ZDHHC14: variants seen among roughly 807,000 people sequenced by gnomAD.
ZDHHC14 encodes zDHHC palmitoyltransferase 14.
Under a neutral mutation model 47.7 loss-of-function variants are expected in ZDHHC14, and 16 were observed. That is an observed-to-expected ratio of 0.34 (90% CI 0.23 to 0.51). ZDHHC14 has a LOEUF of 0.51. Ranked by LOEUF, ZDHHC14 falls within the 20% of genes least tolerant of loss-of-function variation. The probability of loss-of-function intolerance (pLI) is 0.97; values close to 1 mark genes in which losing one functional copy is unlikely to be tolerated. For synonymous variants in ZDHHC14, 293 were observed against 278.9 expected (o/e 1.05, Z -0.50); for missense variants, 515 against 662.5 (o/e 0.78, Z 2.44).
At chr6:157,616,836 C>A (rs928583061) in intron 3 of ZDHHC14, among the ~76,000 whole-genome samples, 12 of 152,286 alleles carry the variant, frequency 7.9e-5, no homozygotes, top group Non-Finnish European at 1.6e-4. Context: ...TGCTTCTGTT[C>A]CATGTTAGGC....
Position 157,445,164 on chromosome 6 carries a change from TATC to T in ZDHHC14, c.245+62922_245+62924del, listed in dbSNP as rs113595524. Reference sequence around the variant, plus strand: ...CACACACTCTTCATATCTATCTATCTATCATCATCATCATCATCATCATCATTT... The same window carrying T: ...CACACACTCTTCATATCTATCTATCTATCATCATCATCATCATCATCATTT... On this transcript the variant is annotated intron_variant, in intron 1 of 8. Transcript: ENST00000359775. 2.5e-3 allele frequency among the ~76,000 whole-genome samples: 359 copies of T among 142,734 alleles called. 3 individuals are homozygous for T. The highest frequency in any genetic ancestry group is 4.6e-3 in the Admixed American group (67 of 14,674). The allele number at this position is 142,734 out of a possible 152,430, so 93.6% of individuals were successfully genotyped here. A position where few individuals can be genotyped will look rare whatever the true frequency, so the allele number is the denominator to read the frequency against.
intron 5 of ZDHHC14, among the ~76,000 whole-genome samples, chr6:157,633,747 C>T (rs565831385): frequency 2.0e-5 from 3 of 152,298 alleles, no homozygotes; most frequent in East Asian, 1.9e-4. Context: ...TGCAGTGGCA[C>T]GATCTTGGCT....
intron 2 of ZDHHC14, among the ~76,000 whole-genome samples, chr6:157,544,563 C>T (rs769530514): frequency 9.9e-5 from 15 of 152,086 alleles, no homozygotes; most frequent in Admixed American, 6.5e-4. Flanking sequence ...GCAGGAGAAT[C>T]GCTTGAACCC....
chr6:157,598,503 G>A (rs991954933), intron 3 of ZDHHC14, among the ~76,000 whole-genome samples: 1 of 152,138 alleles, frequency 6.6e-6, no homozygotes, highest in African/African-American at 2.4e-5. Flanking sequence ...TCATTATTAA[G>A]AGCAGACCAA....
intron 1 of ZDHHC14, among the ~76,000 whole-genome samples, chr6:157,541,977 C>T (rs535877232): frequency 1.3e-5 from 2 of 152,318 alleles, no homozygotes; most frequent in African/African-American, 4.8e-5. Flanking sequence ...GCTGAAATCC[C>T]TTAAATCTTC....
At chr6:157,561,896 T>C (rs1045562832) in intron 2 of ZDHHC14, among the ~76,000 whole-genome samples, 2 of 152,204 alleles carry the variant, frequency 1.3e-5, no homozygotes, top group African/African-American at 4.8e-5. Context: ...ATTACAGGTG[T>C]GAGCCACTGT....
intron 1 of ZDHHC14, among the ~76,000 whole-genome samples, chr6:157,403,826 C>A (rs559987328): frequency 6.6e-6 from 1 of 152,326 alleles, no homozygotes; most frequent in Non-Finnish European, 1.5e-5. Context: ...GAAAGGCAGT[C>A]CAGAAGTGGC....
intron 1 of ZDHHC14, among the ~76,000 whole-genome samples, chr6:157,472,920 T>C (rs1779388406): frequency 2.0e-5 from 3 of 152,236 alleles, no homozygotes; most frequent in Admixed American, 1.3e-4. Flanking sequence ...CTGTGCCATA[T>C]TGTGTTGCTT....
intron 5 of ZDHHC14, among the ~76,000 whole-genome samples, chr6:157,638,959 T>G (rs1285093845): frequency 6.6e-6 from 1 of 152,204 alleles, no homozygotes; most frequent in Non-Finnish European, 1.5e-5. Context: ...CCAGGGGCTA[T>G]CAGGAAGGGG....
At chr6:157,492,055 C>T (rs368743115) in intron 1 of ZDHHC14, among the ~76,000 whole-genome samples, 38 of 152,180 alleles carry the variant, frequency 2.5e-4, no homozygotes, top group African/African-American at 7.5e-4. Context: ...CACCAGTTGC[C>T]GGTGTTGGTT....
At chr6:157,384,967 A>G (rs1190449631) in intron 1 of ZDHHC14, among the ~76,000 whole-genome samples, 5 of 152,154 alleles carry the variant, frequency 3.3e-5, no homozygotes, top group Non-Finnish European at 2.9e-5. Flanking sequence ...TTTTTTATAG[A>G]GATGGAGTCT....
intron 3 of ZDHHC14, among the ~76,000 whole-genome samples, chr6:157,599,967 T>C (rs1784278681): frequency 6.6e-6 from 1 of 152,216 alleles, no homozygotes; most frequent in Non-Finnish European, 1.5e-5. Flanking sequence ...AACATGATTG[T>C]ATAGGAAAAT....
chr6:157,504,295 C>T (rs1209957649), intron 1 of ZDHHC14, among the ~76,000 whole-genome samples: 1 of 150,178 alleles, frequency 6.7e-6, no homozygotes, highest in Non-Finnish European at 1.5e-5. Context: ...GCAAGCTCCG[C>T]CTCCCGGGTT....
chr6:157,496,611 G>A (rs1272999770), intron 1 of ZDHHC14, among the ~76,000 whole-genome samples: 3 of 152,172 alleles, frequency 2.0e-5, no homozygotes, highest in African/African-American at 7.2e-5. Context: ...GACCCATAGG[G>A]AGAAGATGGG....
chr6:157,484,227 G>A (rs1460527860), intron 1 of ZDHHC14, among the ~76,000 whole-genome samples: 1 of 149,492 alleles, frequency 6.7e-6, no homozygotes, highest in Non-Finnish European at 1.5e-5. Context: ...AAAATAATCT[G>A]TGTACCAAAC....
At chr6:157,472,752 A>C (rs1198577653) in intron 1 of ZDHHC14, among the ~76,000 whole-genome samples, 1 of 152,196 alleles carries the variant, frequency 6.6e-6, no homozygotes, top group Non-Finnish European at 1.5e-5. Context: ...TGGGAGAGGC[A>C]CTTCTGTGGT....
intron 3 of ZDHHC14, among the ~76,000 whole-genome samples, chr6:157,621,813 C>G (rs1323896223): frequency 6.6e-6 from 1 of 152,144 alleles, no homozygotes; most frequent in Admixed American, 6.5e-5. Flanking sequence ...TGGTCCCTGT[C>G]CTATTGTAAT....
At chr6:157,663,978 G>A (rs749368273) in intron 8 of ZDHHC14, among the ~76,000 whole-genome samples, 4 of 152,204 alleles carry the variant, frequency 2.6e-5, no homozygotes, top group Non-Finnish European at 4.4e-5. Context: ...TTTGACCCCA[G>A]AGCCCATGCT....
chr6:157,382,558 G>A (rs1418329921), intron 1 of ZDHHC14, among the ~76,000 whole-genome samples: 1 of 152,186 alleles, frequency 6.6e-6, no homozygotes, highest in Admixed American at 6.5e-5. Flanking sequence ...TGGGGCCGCC[G>A]GTCCCTGATC....
Sources: gnomAD v4.1 joint callset for allele counts (sites outside exome capture counted in the v4.1 genomes callset) on GRCh38, gnomAD v4.1.1 for gene constraint, MANE v1.5 for transcripts, NCBI Gene and HGNC (gene_info 2026-07-23, HGNC 2026-07-21) for gene names.